Variants in MGAT4C observed in about 807,000 individuals in gnomAD.
MGAT4C encodes alpha-1,3-mannosyl-glycoprotein 4-beta-N-acetylglucosaminyltransferase C.
In MGAT4C, 19 loss-of-function variants were observed where a neutral mutation model predicts 40.1. The observed-to-expected ratio is 0.47, with a 90% CI of 0.33 to 0.70. The LOEUF is 0.70. Among genes scored for constraint, MGAT4C ranks in the 30% least tolerant of loss-of-function variants. The probability of loss-of-function intolerance (pLI) is 0.02; values close to 1 mark genes in which losing one functional copy is unlikely to be tolerated. For missense variants in MGAT4C, 491 were observed against 563.2 expected, an observed-to-expected ratio of 0.87 and a Z score of 1.30; for synonymous variants, 181 against 187.1, an observed-to-expected ratio of 0.97 and a Z score of 0.27.
chr12:86,179,421 G>A (rs1450082317), intron 1 of MGAT4C, among the ~76,000 whole-genome samples: 1 of 152,212 alleles, frequency 6.6e-6, no homozygotes, highest in African/African-American at 2.4e-5. Context: ...AAATGTGGAA[G>A]CAACTTTGGA....
chr12:86,285,816 G>A (rs1056663650), intron 4 of MGAT4C, among the ~76,000 whole-genome samples: 2 of 151,862 alleles, frequency 1.3e-5, no homozygotes, highest in Non-Finnish European at 2.9e-5. Context: ...TAAATCTTAT[G>A]TATGTAATAA....
chr12:86,696,450 C>T (rs1950260641), intron 2 of MGAT4C, among the ~76,000 whole-genome samples: 1 of 152,118 alleles, frequency 6.6e-6, no homozygotes, highest in South Asian at 2.1e-4. Context: ...AAAGTCAGAA[C>T]AGTCATCTCA....
intron 1 of MGAT4C, among the ~76,000 whole-genome samples, chr12:86,218,574 A>C (rs1287292963): frequency 6.6e-6 from 1 of 152,192 alleles, no homozygotes; most frequent in Non-Finnish European, 1.5e-5. Flanking sequence ...TGTTATTATT[A>C]TGTGTTTGAG....
chr12:86,681,602 A>G (rs1472657715), intron 2 of MGAT4C, among the ~76,000 whole-genome samples: 1 of 152,018 alleles, frequency 6.6e-6, no homozygotes, highest in Non-Finnish European at 1.5e-5. Context: ...GGAAATTTTC[A>G]ATCTTCTAAA....
At chr12:86,176,055 T>G (rs1314277871) in intron 1 of MGAT4C, among the ~76,000 whole-genome samples, 3 of 152,172 alleles carry the variant, frequency 2.0e-5, no homozygotes, top group South Asian at 2.1e-4. Context: ...CCCGGCAAGG[T>G]GCAATTCTAG....
At chr12:86,420,465 T>C (rs1336662409) in intron 3 of MGAT4C, among the ~76,000 whole-genome samples, 2 of 152,120 alleles carry the variant, frequency 1.3e-5, no homozygotes, top group Non-Finnish European at 2.9e-5. Context: ...AGACTATTCA[T>C]TGGTTCTCTA....
At chr12:86,265,306 T>G (rs921511546) in intron 4 of MGAT4C, among the ~76,000 whole-genome samples, 1 of 152,148 alleles carries the variant, frequency 6.6e-6, no homozygotes, top group African/African-American at 2.4e-5. Context: ...GGCAAAAGCG[T>G]CACCAGCCAC....
At chr12:86,290,952 G>A in intron 4 of MGAT4C, among the ~76,000 whole-genome samples, 1 of 152,242 alleles carries the variant, frequency 6.6e-6, no homozygotes, top group Admixed American at 6.5e-5. Flanking sequence ...AGGAAGCTCG[G>A]AAAAAGGTAA....
intron 2 of MGAT4C, among the ~76,000 whole-genome samples, chr12:86,024,112 T>G (rs558123398): frequency 6.6e-6 from 1 of 151,992 alleles, no homozygotes; most frequent in African/African-American, 2.4e-5. Context: ...ACTTTTTTCT[T>G]TATACCTTTC....
intron 2 of MGAT4C, among the ~76,000 whole-genome samples, chr12:86,636,763 T>C (rs1177746526): frequency 6.6e-6 from 1 of 152,022 alleles, no homozygotes; most frequent in Non-Finnish European, 1.5e-5. Context: ...GTGACTTTAT[T>C]GTCAATCTTG....
chr12:86,754,357 A>G (rs1314968965), intron 1 of MGAT4C, among the ~76,000 whole-genome samples: 1 of 152,116 alleles, frequency 6.6e-6, no homozygotes, highest in African/African-American at 2.4e-5. Context: ...AGGATTGCAT[A>G]GGGGCATTAC....
At chr12:86,621,175 T>G (rs1440986184) in intron 2 of MGAT4C, among the ~76,000 whole-genome samples, 1 of 151,168 alleles carries the variant, frequency 6.6e-6, no homozygotes, top group Non-Finnish European at 1.5e-5. Flanking sequence ...AATAAAAAAA[T>G]AGTACACATT....
chr12:86,495,015 A>G (rs998058822), intron 2 of MGAT4C, among the ~76,000 whole-genome samples: 1 of 152,106 alleles, frequency 6.6e-6, no homozygotes, highest in African/African-American at 2.4e-5. Context: ...TTCTACTTCT[A>G]AGAATATGCA....
At position 86,514,084 on chromosome 12, in the gene MGAT4C, A is replaced by ACG. The variant is rs1161996922; in HGVS notation, c.-228-78820_-228-78819insCG. Among the ~76,000 whole-genome samples the ACG allele has an allele frequency of 1.4e-3, 207 of 151,284 alleles. 1 individual carries two copies. Among genetic ancestry groups the ACG allele is most frequent in the African/African-American group, 4.9e-3 (200 of 41,228 alleles). ...CATGCACCAACACACACACACACAC[A>ACG]CACACACACACACACACACACACAC... On this transcript the variant is annotated intron_variant, in intron 2 of 7. Transcript: ENST00000548651.
rs1884195007 is a variant in MGAT4C, at chr12:85,978,712, A to G, written c.*577T>C. On this transcript the variant is annotated 3_prime_UTR_variant, in exon 5 of 5. Coordinates refer to ENST00000611864, the MANE Select transcript of MGAT4C (RefSeq NM_001351288.2). ...TCATATAAATAATCAGGGGAGAGAT[A>G]TTTTTAAGTCTTTTTTTTCTTTTTC... is the stretch of plus-strand genomic sequence containing the variant. The G allele has an allele frequency of 6.6e-6, 1 of 152,022 alleles. No individual in the cohort carries two copies. The highest frequency in any genetic ancestry group is 1.5e-5 in the Non-Finnish European group (1 of 67,702). The allele number at this position is 152,022 out of a possible 1,614,324, so 9.4% of individuals were successfully genotyped here.
At chr12:86,659,824 T>C (rs1386752175) in intron 2 of MGAT4C, among the ~76,000 whole-genome samples, 1 of 151,992 alleles carries the variant, frequency 6.6e-6, no homozygotes, top group African/African-American at 2.4e-5. Context: ...CAGAAATATG[T>C]TGACTAAATA....
At chr12:85,996,608 A>G (rs1032132324) in intron 2 of MGAT4C, among the ~76,000 whole-genome samples, 1 of 152,248 alleles carries the variant, frequency 6.6e-6, no homozygotes, top group East Asian at 1.9e-4. Context: ...AAAGATAGAG[A>G]TAAACATTAA....
chr12:86,055,660 C>A (rs1050963921), intron 1 of MGAT4C, among the ~76,000 whole-genome samples: 9 of 151,932 alleles, frequency 5.9e-5, no homozygotes, highest in Non-Finnish European at 1.2e-4. Context: ...ACACTGGATA[C>A]ACATGTTAAT....
chr12:86,108,500 A>T (rs1367978801), intron 1 of MGAT4C, among the ~76,000 whole-genome samples: 1 of 152,104 alleles, frequency 6.6e-6, no homozygotes, highest in Non-Finnish European at 1.5e-5. Flanking sequence ...CAGCTTACAA[A>T]GGCTGACTAA....
Sources: gnomAD v4.1 joint callset for allele counts (sites outside exome capture counted in the v4.1 genomes callset) on GRCh38, gnomAD v4.1.1 for gene constraint, MANE v1.5 for transcripts, NCBI Gene and HGNC (gene_info 2026-07-23, HGNC 2026-07-21) for gene names.